The following GRIP1 variants were observed in gnomAD, a reference collection of about 807,000 sequenced individuals.
The protein encoded by GRIP1 is glutamate receptor-interacting protein 1.
A neutral mutation model predicts 129.9 loss-of-function variants in GRIP1; 45 were observed. The ratio of observed to expected loss-of-function variants is 0.35; its 90% CI spans 0.27 to 0.44. GRIP1 has a LOEUF of 0.44. GRIP1 is among the 20% of genes least tolerant of loss of function. The pLI, the probability that GRIP1 is intolerant of heterozygous loss-of-function variation, is 1.00. For synonymous variants in GRIP1, 530 were observed against 520.8 expected (o/e 1.02, Z -0.24); for missense variants, 1,196 against 1,396.8 (o/e 0.86, Z 2.29).
intron 4 of GRIP1, among the ~76,000 whole-genome samples, chr12:66,530,596 C>T (rs2061406844): frequency 6.6e-6 from 1 of 152,074 alleles, no homozygotes; most frequent in Non-Finnish European, 1.5e-5. Flanking sequence ...TATTGTCAAG[C>T]TGCAATCTCT....
intron 13 of GRIP1, among the ~76,000 whole-genome samples, chr12:66,442,098 T>C (rs1487190560): frequency 6.6e-6 from 1 of 152,228 alleles, no homozygotes; most frequent in African/African-American, 2.4e-5. Context: ...CAGAAGGCTC[T>C]TTCTAAAACA....
At chr12:66,447,624 CA>C (rs1189322850) in intron 11 of GRIP1, among the ~76,000 whole-genome samples, 1 of 152,066 alleles carries the variant, frequency 6.6e-6, no homozygotes, top group Non-Finnish European at 1.5e-5. Context: ...TCCTTCCTTC[CA>C]TTTCAAGGCT....
At chr12:66,977,299 T>C (rs2042167749) in intron 1 of GRIP1, among the ~76,000 whole-genome samples, 1 of 151,842 alleles carries the variant, frequency 6.6e-6, no homozygotes, top group South Asian at 2.1e-4. Context: ...CAGGTCAAAC[T>C]TTCAAAAAGA....
intron 23 of GRIP1, among the ~76,000 whole-genome samples, chr12:66,367,768 C>T (rs1168332): frequency 0.52 from 78,355 of 152,026 alleles, 20,844 homozygotes; most frequent in East Asian, 0.75. Context: ...ACTGTGCATC[C>T]CAGCTGAGAA....
chr12:66,503,364 G>A (rs78664719), intron 7 of GRIP1, among the ~76,000 whole-genome samples: 3,335 of 152,126 alleles, frequency 0.022, 107 homozygotes, highest in African/African-American at 0.077. Context: ...CCAAGCATAA[G>A]GAGGGCACAT....
At chr12:66,562,743 C>G (rs1309468843) in intron 2 of GRIP1, among the ~76,000 whole-genome samples, 1 of 152,082 alleles carries the variant, frequency 6.6e-6, no homozygotes, top group Non-Finnish European at 1.5e-5. Flanking sequence ...CACCCCCGAC[C>G]CCCTGCCGCA....
intron 1 of GRIP1, among the ~76,000 whole-genome samples, chr12:66,974,530 A>T (rs181198042): frequency 6.6e-6 from 1 of 152,364 alleles, no homozygotes; most frequent in East Asian, 1.9e-4. Flanking sequence ...AAGTGAAAAG[A>T]TGAAGTAAAA....
chr12:67,058,053 T>C (rs2043468147), intron 1 of GRIP1, among the ~76,000 whole-genome samples: 1 of 152,210 alleles, frequency 6.6e-6, no homozygotes, highest in African/African-American at 2.4e-5. Flanking sequence ...TATATTCCTC[T>C]CAGTGGTTTA....
intron 1 of GRIP1, among the ~76,000 whole-genome samples, chr12:66,862,327 T>C (rs1339456405): frequency 6.6e-6 from 1 of 152,034 alleles, no homozygotes; most frequent in Non-Finnish European, 1.5e-5. Context: ...AAAATCCTAA[T>C]GGTGATGAAA....
chr12:66,882,880 T>C (rs1181883464), intron 1 of GRIP1, among the ~76,000 whole-genome samples: 1 of 152,188 alleles, frequency 6.6e-6, no homozygotes, highest in Non-Finnish European at 1.5e-5. Context: ...CTGCTTTAAA[T>C]ACTTGGTCTG....
At chr12:66,738,631 TGAA>T (rs1355786031) in intron 1 of GRIP1, among the ~76,000 whole-genome samples, 1 of 152,040 alleles carries the variant, frequency 6.6e-6, no homozygotes, top group African/African-American at 2.4e-5. Flanking sequence ...TCCTGTGATG[TGAA>T]GAAGATGGGT....
chr12:66,535,500 T>G (rs1015663949), intron 4 of GRIP1, among the ~76,000 whole-genome samples: 1 of 152,224 alleles, frequency 6.6e-6, no homozygotes, highest in South Asian at 2.1e-4. Context: ...ACAAAAATCC[T>G]GCAACTACTA....
chr12:66,475,391 C>T (rs56240435), intron 7 of GRIP1, among the ~76,000 whole-genome samples: 6,037 of 152,210 alleles, frequency 0.04, 394 homozygotes, highest in African/African-American at 0.13. Context: ...GAGACTTTAA[C>T]ACCGCACTGT....
intron 1 of GRIP1, among the ~76,000 whole-genome samples, chr12:66,621,171 TCA>T (rs1470898958): frequency 6.6e-6 from 1 of 152,158 alleles, no homozygotes; most frequent in Non-Finnish European, 1.5e-5. Context: ...TTAAGTACAT[TCA>T]CAGTGTTGTG....
chr12:66,935,072 C>CTA (rs796664049), intron 1 of GRIP1, among the ~76,000 whole-genome samples: 6 of 152,276 alleles, frequency 3.9e-5, no homozygotes, highest in African/African-American at 1.2e-4. Context: ...CTCTTGTATC[C>CTA]TCAGCAGCTA....
At chr12:66,592,004 G>C (rs891249298) in intron 2 of GRIP1, among the ~76,000 whole-genome samples, 1 of 152,098 alleles carries the variant, frequency 6.6e-6, no homozygotes, top group Non-Finnish European at 1.5e-5. Context: ...CTGAACAGTG[G>C]TATAGCTGTA....
At chr12:66,539,529 A>C in intron 3 of GRIP1, among the ~76,000 whole-genome samples, 1 of 148,716 alleles carries the variant, frequency 6.7e-6, no homozygotes, top group Middle Eastern at 3.6e-3. Flanking sequence ...GCACCATAAA[A>C]CAAAATCAAG....
chr12:66,995,607 T>C (rs910840536), intron 1 of GRIP1, among the ~76,000 whole-genome samples: 1 of 152,168 alleles, frequency 6.6e-6, no homozygotes, highest in Non-Finnish European at 1.5e-5. Flanking sequence ...CATCATTATT[T>C]ATCAAGGAAA....
intron 1 of GRIP1, among the ~76,000 whole-genome samples, chr12:66,693,272 T>C (rs2035041991): frequency 6.6e-6 from 1 of 152,190 alleles, no homozygotes; most frequent in Admixed American, 6.5e-5. Context: ...AGAAATGTTT[T>C]AAATTATTTG....
Sources: allele counts gnomAD v4.1 joint callset (sites outside exome capture counted in the v4.1 genomes callset), GRCh38; gene constraint gnomAD v4.1.1; transcripts MANE v1.5; gene names NCBI Gene and HGNC (gene_info 2026-07-23, HGNC 2026-07-21).